Variants in CPAMD8 observed in about 807,000 individuals in gnomAD.
CPAMD8 encodes the protein C3 and PZP like alpha-2-macroglobulin domain containing 8.
A neutral mutation model predicts 224.7 loss-of-function variants in CPAMD8; 146 were observed. The observed-to-expected ratio is 0.65, with a 90% confidence interval of 0.57 to 0.75. The LOEUF is 0.75. CPAMD8 is among the 30% of genes least tolerant of loss of function. The pLI, the probability that CPAMD8 is intolerant of heterozygous loss-of-function variation, is 0.00. For missense variants in CPAMD8, 2,301 were observed against 2,537.5 expected (o/e 0.91, Z 2.00); for synonymous variants, 966 against 1,044.6 (o/e 0.92, Z 1.45).
At chr19:16,928,339 T>C (rs368359841) in intron 24 of CPAMD8, 105 bp from the exon 25 acceptor site, 21 of 824,152 alleles carry the variant, frequency 2.5e-5, no homozygotes, top group African/African-American at 2.4e-4. Flanking sequence ...GCCTCAGCCA[T>C]GCTCACAGTG....
chr19:16,921,237 T>G (rs922527946), intron 27 of CPAMD8, among the ~76,000 whole-genome samples: 11 of 152,042 alleles, frequency 7.2e-5, no homozygotes, highest in African/African-American at 2.4e-4. Context: ...GGACACTCTG[T>G]TGGACTAAAG....
chr19:17,023,837 C>T (rs1036297265), intron 1 of CPAMD8, among the ~76,000 whole-genome samples: 9 of 152,164 alleles, frequency 5.9e-5, no homozygotes, highest in African/African-American at 2.2e-4. Flanking sequence ...GCACCTTGGC[C>T]TCCCAAAGTG....
intron 22 of CPAMD8, among the ~76,000 whole-genome samples, chr19:16,942,864 C>T (rs10409033): frequency 0.1 from 15,869 of 152,184 alleles, 2,192 homozygotes; most frequent in African/African-American, 0.32. Flanking sequence ...ATAGTAGCTC[C>T]GGCTGGGCAT....
intron 29 of CPAMD8, among the ~76,000 whole-genome samples, chr19:16,913,386 T>G (rs1001283972): frequency 2.6e-5 from 4 of 152,172 alleles, no homozygotes; most frequent in Admixed American, 2.6e-4. Context: ...ATAATAGGAT[T>G]AGTGTCCTTA....
chr19:16,894,463 T>A, intron 41 of CPAMD8: 1 of 456,668 alleles, frequency 2.2e-6, no homozygotes, highest in South Asian at 1.5e-5. Flanking sequence ...GAAAGATTCC[T>A]ATGGGGCCGC....
intron 3 of CPAMD8, among the ~76,000 whole-genome samples, chr19:17,012,350 CTT>C (rs984597501): frequency 1.3e-4 from 10 of 74,336 alleles, no homozygotes; most frequent in South Asian, 5.6e-4. Context: ...TTCTTTCTTT[CTT>C]TTTTTTTTTT....
intron 3 of CPAMD8, among the ~76,000 whole-genome samples, chr19:17,018,727 C>T (rs2056876179): frequency 7.0e-6 from 1 of 143,080 alleles, no homozygotes; most frequent in African/African-American, 2.9e-5. Flanking sequence ...TACACACACA[C>T]ACACACACAC....
At chr19:16,906,856 T>A in intron 30 of CPAMD8, 96 bp downstream of exon 30, 1 of 1,237,260 alleles carries the variant, frequency 8.1e-7, no homozygotes. Flanking sequence ...ACTACATGAC[T>A]CGTCAGTTGT....
chr19:16,914,812 G>A lies in CPAMD8; in HGVS notation c.3631C>T (p.Leu1211Phe), dbSNP rs767912244. ...GERDASGSMW[L>F]TAFVLKSFAQ... The stretch of plus-strand genomic sequence containing the variant: ...AAGGACTTCAGGACAAAGGCTGTGA[G>A]CCTGAAAGAGGACAGGGTGTCAGCT... The change falls in exon 28 of 42, where the codon CTC becomes TTC. Residue 1211 changes from leucine to phenylalanine, a missense_variant and splice_region_variant. This residue lies in a region of CPAMD8 where 1,709 missense variants were observed against 1,753.2 expected (regional missense o/e 0.97). Transcript: ENST00000443236. The A allele has an allele frequency of 6.2e-7, 1 of 1,605,332 alleles. No individual in the cohort carries two copies. The highest frequency in any genetic ancestry group is 8.5e-7 in the Non-Finnish European group (1 of 1,175,306).
chr19:17,016,578 T>C (rs2056817809), intron 3 of CPAMD8, among the ~76,000 whole-genome samples: 1 of 152,104 alleles, frequency 6.6e-6, no homozygotes, highest in Non-Finnish European at 1.5e-5. Flanking sequence ...GTAGCCAACA[T>C]GGTGAAACCC....
At chr19:16,973,077 G>T in intron 17 of CPAMD8, among the ~76,000 whole-genome samples, 1 of 152,118 alleles carries the variant, frequency 6.6e-6, no homozygotes, top group Non-Finnish European at 1.5e-5. Flanking sequence ...GCTGAGGCAG[G>T]AGGATCGCTT....
intron 30 of CPAMD8, among the ~76,000 whole-genome samples, chr19:16,905,224 G>C (rs2052422503): frequency 6.6e-6 from 1 of 151,628 alleles, no homozygotes; most frequent in African/African-American, 2.4e-5. Context: ...CTCCAGCCTG[G>C]GTGACAGAGT....
At chr19:16,974,329 A>G (rs1227058535) in intron 17 of CPAMD8, among the ~76,000 whole-genome samples, 1 of 151,916 alleles carries the variant, frequency 6.6e-6, no homozygotes, top group Non-Finnish European at 1.5e-5. Context: ...ACAGTGGCTC[A>G]TGCCTCTAAT....
At chr19:17,004,678 C>T (rs1448896932) in intron 7 of CPAMD8, among the ~76,000 whole-genome samples, 3 of 152,090 alleles carry the variant, frequency 2.0e-5, no homozygotes, top group Non-Finnish European at 2.9e-5. Flanking sequence ...GCTGGACAAA[C>T]GAGGGAAATG....
At chr19:16,906,366 CTTTCTTTCTTTCTTT>C (rs1379091265) in intron 30 of CPAMD8, among the ~76,000 whole-genome samples, 16 of 68,970 alleles carry the variant, frequency 2.3e-4, no homozygotes, top group African/African-American at 9.3e-4. Flanking sequence ...TTCTTTCTTT[CTTTCTTTCTTTCTTT>C]CTTTCTTTCT....
At position 17,022,027 on chromosome 19, in the gene CPAMD8, T is replaced by C. The variant is rs1184304166; in HGVS notation, c.244+3A>G. On this transcript the variant is annotated splice_donor_region_variant and intron_variant, in intron 2 of 41. Transcript: ENST00000443236. Reference sequence around the variant, plus strand: ...GTCCTGGTCTGGCACCCAAGGGACCTACCCAGGATGGCTCCCTGGCTCTGC... The same window carrying C: ...GTCCTGGTCTGGCACCCAAGGGACCCACCCAGGATGGCTCCCTGGCTCTGC... 2 of 1,597,758 alleles carry C rather than the reference T, an allele frequency of 1.3e-6. No homozygotes were observed. Among genetic ancestry groups the C allele is most frequent in the Non-Finnish European group, 1.7e-6 (2 of 1,172,504 alleles).
At chr19:17,016,820 G>GA (rs1568607450) in intron 3 of CPAMD8, among the ~76,000 whole-genome samples, 1 of 151,724 alleles carries the variant, frequency 6.6e-6, no homozygotes, top group South Asian at 2.1e-4. Context: ...GAGAGAGAGA[G>GA]AGGAAGGAAG....
intron 41 of CPAMD8, chr19:16,894,480 T>G: frequency 2.2e-6 from 1 of 456,540 alleles, no homozygotes; most frequent in Non-Finnish European, 4.4e-6. Context: ...CCGCCAGGAC[T>G]TCGGGATGGG....
intron 18 of CPAMD8, among the ~76,000 whole-genome samples, chr19:16,961,725 T>C (rs1001865724): frequency 2.0e-5 from 3 of 152,212 alleles, no homozygotes; most frequent in Admixed American, 6.5e-5. Flanking sequence ...AGTGGGTCCC[T>C]GACCCCCATG....
Sources: gnomAD v4.1 joint callset for allele counts (sites outside exome capture counted in the v4.1 genomes callset) on GRCh38, gnomAD v4.1.1 for gene constraint, gnomAD v4.1.1 regional missense constraint, MANE v1.5 for transcripts, NCBI Gene and HGNC (gene_info 2026-07-23, HGNC 2026-07-21) for gene names.